ADK: variants seen among roughly 807,000 people sequenced by gnomAD.
The protein encoded by ADK is adenosine kinase, also known as N6,N6-dimethyladenosine kinase.
Under a neutral mutation model 44.7 loss-of-function variants are expected in ADK, and 24 were observed. The observed-to-expected ratio is 0.54, with a 90% CI of 0.39 to 0.76. The LOEUF (loss-of-function observed/expected upper bound fraction) is 0.76. ADK is among the 30% of genes least tolerant of loss of function. The pLI is 0.00. For missense variants in ADK, 321 were observed against 425.1 expected, an observed-to-expected ratio of 0.76 and a Z score of 2.15; for synonymous variants, 128 against 142.6, an observed-to-expected ratio of 0.90 and a Z score of 0.73.
At chr10:74,474,449 CT>C (rs1330354103) in intron 6 of ADK, among the ~76,000 whole-genome samples, 1 of 151,890 alleles carries the variant, frequency 6.6e-6, no homozygotes, top group African/African-American at 2.4e-5. Context: ...TTCTTTCTTT[CT>C]TTTCTTTTCC....
intron 9 of ADK, among the ~76,000 whole-genome samples, chr10:74,660,033 G>A (rs568604680): frequency 6.6e-6 from 1 of 152,290 alleles, no homozygotes; most frequent in Non-Finnish European, 1.5e-5. Context: ...AAAAAGGAAT[G>A]CTTATTATGT....
chr10:74,413,693 C>G (rs1362355548), intron 6 of ADK, among the ~76,000 whole-genome samples: 1 of 152,202 alleles, frequency 6.6e-6, no homozygotes, highest in Non-Finnish European at 1.5e-5. Context: ...TGGAGTAGCA[C>G]TTTTAATTTT....
chr10:74,443,040 G>A (rs903987589), intron 6 of ADK, among the ~76,000 whole-genome samples: 4 of 152,134 alleles, frequency 2.6e-5, no homozygotes, highest in East Asian at 1.9e-4. Flanking sequence ...GATTTTGGTC[G>A]TGGGGTGTAA....
chr10:74,527,133 G>A (rs1452117589), intron 7 of ADK, among the ~76,000 whole-genome samples: 1 of 152,216 alleles, frequency 6.6e-6, no homozygotes, highest in Non-Finnish European at 1.5e-5. Flanking sequence ...AGGCAGAGGC[G>A]GGTGGATCAC....
In ADK at chr10:74,486,492, A is replaced by T. The variant is rs576044186; in HGVS notation, c.556-38764A>T. On this transcript the variant is annotated intron_variant, in intron 6 of 10. Coordinates refer to ENST00000539909, the MANE Select transcript of ADK (RefSeq NM_006721.4). ...AATGGAACAGAATAGGAAACCCAAA[A>T]ACACACCAACAGGTATAGTTTTCCA... is the stretch of plus-strand genomic sequence containing the variant. Among the ~76,000 whole-genome samples, 4 of 152,302 alleles carry T rather than the reference A, an allele frequency of 2.6e-5. No individual in the cohort carries two copies. In the South Asian group the frequency reaches 8.3e-4, roughly 32 times the overall value.
intron 3 of ADK, among the ~76,000 whole-genome samples, chr10:74,262,994 A>G (rs1846094127): frequency 1.3e-5 from 2 of 152,182 alleles, no homozygotes; most frequent in African/African-American, 4.8e-5. Context: ...AAACATAAAC[A>G]TTTACTAAAG....
intron 3 of ADK, among the ~76,000 whole-genome samples, chr10:74,288,786 A>G (rs1164845233): frequency 2.0e-5 from 3 of 152,210 alleles, no homozygotes; most frequent in Non-Finnish European, 4.4e-5. Context: ...CTCTTTATGT[A>G]CCTCTGGAAT....
chr10:74,246,279 T>C (rs1312891973), intron 3 of ADK, among the ~76,000 whole-genome samples: 2 of 152,236 alleles, frequency 1.3e-5, no homozygotes, highest in Non-Finnish European at 2.9e-5. Context: ...ACTGATTGAA[T>C]GTACAAGTTA....
intron 3 of ADK, among the ~76,000 whole-genome samples, chr10:74,242,463 G>A (rs550917583): frequency 2.0e-5 from 3 of 152,302 alleles, no homozygotes; most frequent in African/African-American, 7.2e-5. Context: ...ATATATTTTA[G>A]TGTGTTATTT....
chr10:74,459,220 G>T (rs1227322518), intron 6 of ADK, among the ~76,000 whole-genome samples: 1 of 151,586 alleles, frequency 6.6e-6, no homozygotes, highest in Non-Finnish European at 1.5e-5. Flanking sequence ...GGCAGAGGTT[G>T]CAGTGAGCTG....
chr10:74,427,811 G>A (rs915215831), intron 6 of ADK, among the ~76,000 whole-genome samples: 3 of 152,024 alleles, frequency 2.0e-5, no homozygotes, highest in African/African-American at 7.2e-5. Context: ...AAGGAGCGAA[G>A]TCACAATAGT....
intron 7 of ADK, among the ~76,000 whole-genome samples, chr10:74,552,989 G>A (rs182928254): frequency 2.0e-5 from 3 of 151,862 alleles, no homozygotes; most frequent in East Asian, 3.9e-4. Flanking sequence ...ACCATGCAGT[G>A]GGACCACACA....
chr10:74,381,610 C>T (rs1203118599), intron 4 of ADK, among the ~76,000 whole-genome samples: 1 of 152,162 alleles, frequency 6.6e-6, no homozygotes, highest in African/African-American at 2.4e-5. Flanking sequence ...ATATGTGCCA[C>T]CCTTATGGAC....
At chr10:74,340,479 A>G (rs1296763407) in intron 4 of ADK, among the ~76,000 whole-genome samples, 2 of 152,202 alleles carry the variant, frequency 1.3e-5, no homozygotes, top group African/African-American at 2.4e-5. Flanking sequence ...GAATATTACT[A>G]TTGAAACTTG....
intron 2 of ADK, among the ~76,000 whole-genome samples, chr10:74,212,160 C>T (rs562959228): frequency 1.3e-5 from 2 of 152,196 alleles, no homozygotes; most frequent in African/African-American, 4.8e-5. Flanking sequence ...ATTATGGATA[C>T]TAAATGAACA....
At chr10:74,642,591 A>G (rs970866732) in intron 9 of ADK, among the ~76,000 whole-genome samples, 4 of 151,954 alleles carry the variant, frequency 2.6e-5, no homozygotes, top group African/African-American at 9.7e-5. Context: ...ATGGTTACTG[A>G]TATCATCTTT....
intron 4 of ADK, among the ~76,000 whole-genome samples, chr10:74,364,700 G>GTGTT (rs1046167726): frequency 3.6e-4 from 11 of 30,270 alleles, no homozygotes; most frequent in Admixed American, 2.5e-3. Context: ...GTGTGTGTGT[G>GTGTT]TGTGTGTGTG....
chr10:74,251,821 T>C (rs1313924241), intron 3 of ADK, among the ~76,000 whole-genome samples: 4 of 151,958 alleles, frequency 2.6e-5, no homozygotes, highest in Non-Finnish European at 5.9e-5. Flanking sequence ...ATGTCAAAAT[T>C]AGCTATCCAA....
At chr10:74,262,622 T>C (rs1846079119) in intron 3 of ADK, among the ~76,000 whole-genome samples, 1 of 152,146 alleles carries the variant, frequency 6.6e-6, no homozygotes, top group African/African-American at 2.4e-5. Context: ...ATAGAACCCA[T>C]TTCATACTGA....
Sources: gnomAD v4.1 joint callset for allele counts (sites outside exome capture counted in the v4.1 genomes callset) on GRCh38, gnomAD v4.1.1 for gene constraint, MANE v1.5 for transcripts, NCBI Gene and HGNC (gene_info 2026-07-23, HGNC 2026-07-21) for gene names.